The following CFAP44 variants were observed in gnomAD, a reference collection of about 807,000 sequenced individuals.
CFAP44 encodes the protein cilia- and flagella-associated protein 44.
In CFAP44, 134 loss-of-function variants were observed where a neutral mutation model predicts 216.2. That is an observed-to-expected ratio of 0.62 (90% confidence interval 0.54 to 0.72). The LOEUF (loss-of-function observed/expected upper bound fraction) is 0.72. Ranked by LOEUF, CFAP44 falls within the 30% of genes least tolerant of loss-of-function variation. CFAP44 has a pLI of 0.00. For synonymous variants in CFAP44, 700 were observed against 727.6 expected, an observed-to-expected ratio of 0.96 and a Z score of 0.61; for missense variants, 2,035 against 2,182.1, an observed-to-expected ratio of 0.93 and a Z score of 1.34.
chr3:113,427,554 C>G, intron 2 of CFAP44: 1 of 453,992 alleles, frequency 2.2e-6, no homozygotes, highest in Non-Finnish European at 3.8e-6. Context: ...ACTTCATTTT[C>G]AGTCTATTTC....
chr3:113,374,549 G>A (rs1342209212), intron 17 of CFAP44, among the ~76,000 whole-genome samples: 1 of 151,972 alleles, frequency 6.6e-6, no homozygotes, highest in African/African-American at 2.4e-5. Context: ...GTTCAAGCAG[G>A]GTCTCAAAGA....
intron 13 of CFAP44, chr3:113,397,456 A>G (rs938382706): frequency 6.6e-6 from 1 of 152,224 alleles, no homozygotes; most frequent in Admixed American, 6.5e-5. Flanking sequence ...AAAGCCATCA[A>G]AGTGTTTTTA....
At chr3:113,344,833 C>A (rs961523189) in intron 22 of CFAP44, 121 bp from the exon 23 acceptor site, 2 of 876,924 alleles carry the variant, frequency 2.3e-6, no homozygotes, top group East Asian at 3.0e-5. Context: ...GTGCTAGACT[C>A]AAATTTTAAC....
At position 113,328,695 on chromosome 3, in the gene CFAP44, TTAAAAAAAAAAAAAAAAAAAAAA is replaced by T. The variant is rs1341737751; in HGVS notation, c.4117-899_4117-877del. Among the ~76,000 whole-genome samples, 5 of 72,346 alleles carry T rather than the reference TTAAAAAAAAAAAAAAAAAAAAAA, an allele frequency of 6.9e-5. 1 individual carries two copies. Among genetic ancestry groups the T allele is most frequent in the African/African-American group, 1.9e-4 (4 of 21,376 alleles). 47.5% of individuals were successfully genotyped at this position (72,346 alleles called of 152,430 possible). ...AAACTACCAGAGAAATTTAGAGAGC[TTAAAAAAAAAAAAAAAAAAAAAA>T]AAAAAAAAAACAGAGAGAGAAGAAA... On this transcript the variant is annotated intron_variant, in intron 26 of 34. Transcript: ENST00000393845.
intron 31 of CFAP44, 153 bp from the exon 32 acceptor site, chr3:113,304,270 G>A: frequency 1.4e-6 from 1 of 703,618 alleles, no homozygotes; most frequent in Non-Finnish European, 2.3e-6. Context: ...CAGTAGCCAG[G>A]CAAACACAGA....
intron 4 of CFAP44, 28 bp from the exon 5 acceptor site, chr3:113,420,207 G>A (rs1367673964): frequency 1.3e-6 from 2 of 1,594,518 alleles, no homozygotes; most frequent in Admixed American, 1.7e-5. Flanking sequence ...AGGAAAAGAA[G>A]TGAAAAACAC....
intron 29 of CFAP44, 45 bp from the exon 30 acceptor site, chr3:113,306,376 A>G: frequency 6.6e-7 from 1 of 1,524,968 alleles, no homozygotes; most frequent in Non-Finnish European, 8.7e-7. Flanking sequence ...TTGTTATGGA[A>G]TGTGGTAGTA....
At chr3:113,362,782 C>T (rs1164650483) in intron 21 of CFAP44, 2 of 617,072 alleles carry the variant, frequency 3.2e-6, no homozygotes, top group Non-Finnish European at 4.4e-6. Context: ...CGAAGCCAGC[C>T]ACCGGACGCT....
chr3:113,358,845 C>T lies in CFAP44; in HGVS notation c.2965G>A (p.Glu989Lys), dbSNP rs1382838340. The T allele has an allele frequency of 1.3e-6, 2 of 1,536,604 alleles. No individual in the cohort carries two copies. Among genetic ancestry groups the T allele is most frequent in the Non-Finnish European group, 8.7e-7 (1 of 1,146,546 alleles). ...TTGAAAGCTGTTTTTCTGTGCATCT[C>T]AGCACGGATTTGGGAATCTACATCA... ...DFDVDSQIRA[E>K]MHRKTAFKIQ... The change falls in exon 22 of 35, where the codon GAG becomes AAG. Residue 989 changes from glutamate (E) to lysine (K), a missense_variant. Glu to Lys is a moderately conservative substitution (Grantham distance 56, BLOSUM62 1). This residue lies in a region of CFAP44 where 1,883 missense variants were observed against 2,023.7 expected (regional missense o/e 0.93). Transcript: ENST00000393845.
intron 28 of CFAP44, among the ~76,000 whole-genome samples, chr3:113,324,165 TG>T (rs1391877693): frequency 7.9e-5 from 12 of 152,232 alleles, no homozygotes; most frequent in African/African-American, 2.9e-4. Flanking sequence ...CTTTCACTGG[TG>T]AATTCTACTA....
rs1292696219 is a variant in CFAP44, at chr3:113,290,082, G to C, written c.*1475C>G. 6.6e-6 allele frequency: 1 copy of C among 151,632 alleles called. No homozygotes were observed. The highest frequency in any genetic ancestry group is 6.6e-5 in the Admixed American group (1 of 15,228). 9.4% of individuals were successfully genotyped at this position (151,632 alleles called of 1,614,324 possible). ...TTGTTGTTTCAAGCTAAGTTTGGGG[G>C]TAATTTTTTACCGCAATAAATAAGA... On this transcript the variant is annotated 3_prime_UTR_variant, in exon 35 of 35. Transcript: ENST00000393845.
rs569019359 is a variant in CFAP44, at chr3:113,438,911, CAAG to C, written c.-6+2539_-6+2541del. On this transcript the variant is annotated intron_variant, in intron 1 of 34. Coordinates refer to ENST00000393845, the MANE Select transcript of CFAP44 (RefSeq NM_001164496.2). ...ACTTTTCTTTACCACCCTGAGAGCT[CAAG>C]AAGTTAATTCCCAATGCATCATATA... is the stretch of plus-strand genomic sequence containing the variant. 4.0e-4 allele frequency among the ~76,000 whole-genome samples: 61 copies of C among 152,304 alleles called. 1 individual carries two copies. The Middle Eastern group carries it at 0.02, about 51-fold the overall frequency.
At chr3:113,415,536 G>A (rs1934621810) in intron 6 of CFAP44, among the ~76,000 whole-genome samples, 5 of 152,160 alleles carry the variant, frequency 3.3e-5, no homozygotes, top group South Asian at 4.1e-4. Flanking sequence ...TGCTTTAGCT[G>A]TGTCCTAGAG....
Position 113,433,586 on chromosome 3 carries a change from A to G in CFAP44, c.79T>C (p.Ser27Pro), listed in dbSNP as rs1335137612. Residue 27 changes from serine to proline, a missense_variant, in exon 2 of 35, where the codon TCT becomes CCT. This residue lies in a region of CFAP44 where 149 missense variants were observed against 141.8 expected (regional missense o/e 1.05). Coordinates refer to ENST00000393845, the MANE Select transcript of CFAP44 (RefSeq NM_001164496.2). ...TTACATCTTGATTCTGATTTAGAAG[A>G]CCTCAGAGACTTCTTCCCATCACTC... ...SKSDGKKSLR[S>P]SKSESRSPVQ... The G allele has an allele frequency of 8.7e-6, 14 of 1,612,488 alleles. No homozygotes were observed. Among genetic ancestry groups the G allele is most frequent in the Non-Finnish European group, 1.1e-5 (13 of 1,179,476 alleles).
intron 18 of CFAP44, among the ~76,000 whole-genome samples, chr3:113,368,015 T>C (rs574646624): frequency 9.5e-4 from 144 of 151,862 alleles, no homozygotes; most frequent in African/African-American, 3.3e-3. Context: ...ATTAATGAAA[T>C]AAAGCAAGAA....
Position 113,308,276 on chromosome 3 carries a change from A to G in CFAP44, c.4517-8T>C. ...CACTCTCCTCATCTTCATCTATGGA[A>G]AGAGGAGGGCATTGTTAACAAAGAA... is the stretch of plus-strand genomic sequence containing the variant. On this transcript the variant is annotated splice_region_variant and splice_polypyrimidine_tract_variant and intron_variant, in intron 28 of 34. Coordinates refer to ENST00000393845, the MANE Select transcript of CFAP44 (RefSeq NM_001164496.2). 5.3e-6 allele frequency: 8 copies of G among 1,519,920 alleles called. No homozygotes were observed. The highest frequency in any genetic ancestry group is 7.0e-6 in the Non-Finnish European group (8 of 1,139,870). The allele number at this position is 1,519,920 out of a possible 1,614,324, so 94.2% of individuals were successfully genotyped here. A position where few individuals can be genotyped will look rare whatever the true frequency, so the allele number is the denominator to read the frequency against.
At chr3:113,299,290 T>C (rs924986398) in intron 32 of CFAP44, among the ~76,000 whole-genome samples, 6 of 152,094 alleles carry the variant, frequency 3.9e-5, no homozygotes, top group Admixed American at 2.0e-4. Flanking sequence ...GACATACAAA[T>C]GGCAAACAGG....
At chr3:113,346,690 T>C (rs1950387019) in intron 22 of CFAP44, among the ~76,000 whole-genome samples, 1 of 152,106 alleles carries the variant, frequency 6.6e-6, no homozygotes, top group African/African-American at 2.4e-5. Flanking sequence ...ACTCTGTGTC[T>C]AGCTAAAGGA....
At chr3:113,432,641 C>T (rs1345204723) in intron 2 of CFAP44, among the ~76,000 whole-genome samples, 3 of 152,230 alleles carry the variant, frequency 2.0e-5, no homozygotes, top group Non-Finnish European at 1.5e-5. Flanking sequence ...CTTGCTATCT[C>T]TCCGCCCTTG....
Sources: allele counts gnomAD v4.1 joint callset (sites outside exome capture counted in the v4.1 genomes callset), GRCh38; gene constraint gnomAD v4.1.1; regional missense constraint gnomAD v4.1.1; transcripts MANE v1.5; gene names NCBI Gene and HGNC (gene_info 2026-07-23, HGNC 2026-07-21).